Variants in VPS13A observed in about 807,000 individuals in gnomAD.
VPS13A encodes vacuolar protein sorting 13 homolog A, also known as intermembrane lipid transfer protein VPS13A.
Under a neutral mutation model 390.9 loss-of-function variants are expected in VPS13A, and 264 were observed. The ratio of observed to expected loss-of-function variants is 0.68; its 90% CI spans 0.61 to 0.75. The LOEUF (loss-of-function observed/expected upper bound fraction) is 0.75, where lower values mean the gene tolerates loss of function less well. VPS13A is among the 30% of genes least tolerant of loss of function. VPS13A has a pLI of 0.00. For missense variants in VPS13A, 3,409 were observed against 3,733.9 expected (o/e 0.91, Z 2.27); for synonymous variants, 1,231 against 1,227.1 (o/e 1.00, Z -0.07).
At chr9:77,250,255 G>T (rs760710530) in intron 21 of VPS13A, 26 bp downstream of exon 21, 2 of 1,610,822 alleles carry the variant, frequency 1.2e-6, no homozygotes, top group African/African-American at 2.7e-5. Context: ...ATTATTTGTT[G>T]ATTGATTTTG....
At chr9:77,364,165 C>T (rs916948246) in intron 59 of VPS13A, among the ~76,000 whole-genome samples, 1 of 152,156 alleles carries the variant, frequency 6.6e-6, no homozygotes, top group South Asian at 2.1e-4. Flanking sequence ...GTGGCTCACG[C>T]CTGTAATCCC....
chr9:77,231,321 T>C (rs1156352905), intron 17 of VPS13A, among the ~76,000 whole-genome samples: 1 of 152,186 alleles, frequency 6.6e-6, no homozygotes, highest in Non-Finnish European at 1.5e-5. Flanking sequence ...TCGAAGGAAG[T>C]GTTCATCCTT....
chr9:77,362,208 T>G (rs1026076966), intron 59 of VPS13A, among the ~76,000 whole-genome samples: 1 of 152,184 alleles, frequency 6.6e-6, no homozygotes, highest in African/African-American at 2.4e-5. Flanking sequence ...GCTTTTGGTG[T>G]CATTTCTAAG....
chr9:77,310,512 A>G (rs941636465), intron 35 of VPS13A, among the ~76,000 whole-genome samples: 2 of 152,194 alleles, frequency 1.3e-5, no homozygotes, highest in South Asian at 4.1e-4. Context: ...AATTTTGCAT[A>G]ATTTTGAGCC....
intron 67 of VPS13A, among the ~76,000 whole-genome samples, chr9:77,373,161 A>G (rs1807476076): frequency 6.6e-6 from 1 of 151,570 alleles, no homozygotes; most frequent in South Asian, 2.1e-4. Flanking sequence ...GAACCAAAAA[A>G]GAGCCCGCAT....
chr9:77,202,405 A>G, intron 3 of VPS13A, among the ~76,000 whole-genome samples: 1 of 152,240 alleles, frequency 6.6e-6, no homozygotes, highest in East Asian at 1.9e-4. Flanking sequence ...AAATACTTGT[A>G]ATTATGCTAT....
intron 68 of VPS13A, chr9:77,382,612 T>G: frequency 9.6e-7 from 1 of 1,039,894 alleles, no homozygotes; most frequent in Non-Finnish European, 1.2e-6. Context: ...ATATAATCCT[T>G]ATATCCAATT....
At chr9:77,352,791 G>A (rs1377847182) in intron 53 of VPS13A, among the ~76,000 whole-genome samples, 4 of 151,928 alleles carry the variant, frequency 2.6e-5, no homozygotes, top group East Asian at 1.9e-4. Context: ...ATATTGCAAC[G>A]TGAAGGTATA....
In VPS13A at chr9:77,399,203, A is replaced by C. The variant is rs930620685; in HGVS notation, c.9190-4033A>C. On this transcript the variant is annotated intron_variant, in intron 68 of 71. Transcript: ENST00000360280. The stretch of plus-strand genomic sequence containing the variant: ...AAATAAAAAAAAAAAAAAAAAAAAA[A>C]AACAAAGGATACGGTTGATTACGTT... 7.4e-5 allele frequency among the ~76,000 whole-genome samples: 7 copies of C among 94,352 alleles called. 1 individual carries two copies. The highest frequency in any genetic ancestry group is 4.0e-4 in the East Asian group (1 of 2,476). The allele number at this position is 94,352 out of a possible 152,430, so 61.9% of individuals were successfully genotyped here.
chr9:77,408,995 T>G (rs577906789), intron 71 of VPS13A, among the ~76,000 whole-genome samples: 2 of 152,298 alleles, frequency 1.3e-5, no homozygotes, highest in Non-Finnish European at 2.9e-5. Context: ...ACAGACTGCC[T>G]CCTCAAGTGG....
At chr9:77,260,759 C>A (rs1452131169) in intron 23 of VPS13A, among the ~76,000 whole-genome samples, 4 of 152,106 alleles carry the variant, frequency 2.6e-5, no homozygotes, top group African/African-American at 9.7e-5. Context: ...AGCCTCCAAT[C>A]CCTCTCCTGA....
intron 48 of VPS13A, 67 bp downstream of exon 48, chr9:77,339,978 C>G: frequency 6.5e-7 from 1 of 1,547,008 alleles, no homozygotes; most frequent in Non-Finnish European, 8.8e-7. Context: ...TTTTAAAGTT[C>G]TGAGTAATAA....
intron 27 of VPS13A, among the ~76,000 whole-genome samples, chr9:77,281,390 C>T (rs1294655159): frequency 6.6e-6 from 1 of 152,090 alleles, no homozygotes; most frequent in Non-Finnish European, 1.5e-5. Flanking sequence ...ATCAAAACAT[C>T]ACATTGTCCT....
chr9:77,311,215 T>C (rs1483159265), intron 35 of VPS13A, among the ~76,000 whole-genome samples: 2 of 152,096 alleles, frequency 1.3e-5, no homozygotes, highest in African/African-American at 4.8e-5. Context: ...TGAGCCACCA[T>C]GCCTGGCCCA....
At chr9:77,381,830 GTT>G in intron 67 of VPS13A, 144 bp from the exon 68 acceptor site, 1 of 625,054 alleles carries the variant, frequency 1.6e-6, no homozygotes, top group Non-Finnish European at 2.8e-6. Context: ...AACTTACACT[GTT>G]TATGTTACAA....
intron 36 of VPS13A, 100 bp downstream of exon 36, chr9:77,314,219 A>AAATGTTATTT: frequency 7.6e-7 from 1 of 1,312,850 alleles, no homozygotes; most frequent in South Asian, 1.3e-5. Flanking sequence ...TTTATTTTGT[A>AAATGTTATTT]GTATCTGTCC....
chr9:77,281,745 A>G (rs1417393604), intron 27 of VPS13A, 122 bp from the exon 28 acceptor site: 172 of 539,664 alleles, frequency 3.2e-4, no homozygotes, highest in Non-Finnish European at 3.5e-4. Flanking sequence ...ATGTGTATAT[A>G]TATATATATA....
At position 77,282,286 on chromosome 9, in the gene VPS13A, A is replaced by T. The variant is rs201397390; in HGVS notation, c.3118+12A>T. ...CATTAAAAAATTAGGTATGTTTTTT[A>T]AAAATTTAGCATCAACTTTTTTTTT... On this transcript the variant is annotated intron_variant, in intron 29 of 71. Coordinates refer to ENST00000360280, the MANE Select transcript of VPS13A (RefSeq NM_033305.3). 14 of 1,609,334 alleles carry T rather than the reference A, an allele frequency of 8.7e-6. No individual in the cohort carries two copies. The African/African-American group carries it at 1.3e-4, about 15-fold the overall frequency.
intron 1 of VPS13A, among the ~76,000 whole-genome samples, chr9:77,185,737 G>A (rs970408725): frequency 9.2e-5 from 14 of 151,872 alleles, no homozygotes; most frequent in South Asian, 2.1e-4. Context: ...TTTTTCTCCT[G>A]TCTTAGCATA....
Sources: allele counts gnomAD v4.1 joint callset (sites outside exome capture counted in the v4.1 genomes callset), GRCh38; gene constraint gnomAD v4.1.1; transcripts MANE v1.5; gene names NCBI Gene and HGNC (gene_info 2026-07-23, HGNC 2026-07-21).